The following NIPA1 variants were observed in gnomAD, a reference collection of about 807,000 sequenced individuals.
NIPA1 encodes magnesium transporter NIPA1.
A neutral mutation model predicts 23.9 loss-of-function variants in NIPA1; 13 were observed. That is an observed-to-expected ratio of 0.54 (90% CI 0.35 to 0.87). The LOEUF is 0.87. Ranked by LOEUF, NIPA1 falls within the 40% of genes least tolerant of loss-of-function variation. The pLI, the probability that NIPA1 is intolerant of heterozygous loss-of-function variation, is 0.01. For synonymous variants in NIPA1, 234 were observed against 202.9 expected (o/e 1.15, Z -1.30); for missense variants, 362 against 429.7 (o/e 0.84, Z 1.39).
intron 1 of NIPA1, among the ~76,000 whole-genome samples, chr15:22,794,035 C>T (rs973750550): frequency 5.3e-5 from 8 of 151,680 alleles, no homozygotes; most frequent in Non-Finnish European, 1.0e-4. Context: ...CTCAGGATTG[C>T]TTTGGATATT....
chr15:22,787,287 C>G, intron 1 of NIPA1, among the ~76,000 whole-genome samples: 1 of 152,158 alleles, frequency 6.6e-6, no homozygotes, highest in East Asian at 1.9e-4. Flanking sequence ...CCGCTTCAGC[C>G]GATGCGCGGC....
chr15:22,805,832 A>G (rs1256289994), intron 1 of NIPA1, among the ~76,000 whole-genome samples: 1 of 152,198 alleles, frequency 6.6e-6, no homozygotes, highest in African/African-American at 2.4e-5. Flanking sequence ...AGTGGAAGCA[A>G]TCTTTTTGTG....
chr15:22,812,119 G>A, intron 2 of NIPA1, 44 bp from the exon 3 acceptor site: 1 of 1,381,238 alleles, frequency 7.2e-7, no homozygotes, highest in Non-Finnish European at 1.0e-6. Flanking sequence ...TGCTGGAAGA[G>A]AGCTCTGTAA....
intron 1 of NIPA1, among the ~76,000 whole-genome samples, chr15:22,803,655 C>T (rs8029693): frequency 0.067 from 9,641 of 143,306 alleles, 710 homozygotes; most frequent in African/African-American, 0.18. Flanking sequence ...ATTACAGGCA[C>T]CTGCTACCGG....
intron 1 of NIPA1, among the ~76,000 whole-genome samples, chr15:22,805,987 G>C (rs7168955): frequency 0.033 from 5,074 of 152,032 alleles, 135 homozygotes; most frequent in Admixed American, 0.071. Flanking sequence ...GCAGTGGCGC[G>C]ATCTCGGCTC....
chr15:22,792,479 C>T (rs569241733), intron 1 of NIPA1, among the ~76,000 whole-genome samples: 23 of 152,218 alleles, frequency 1.5e-4, no homozygotes, highest in African/African-American at 5.3e-4. Context: ...CTGCCTCAGC[C>T]TCCCAAATAG....
At chr15:22,806,491 A>T (rs1190814725) in intron 1 of NIPA1, among the ~76,000 whole-genome samples, 1 of 152,154 alleles carries the variant, frequency 6.6e-6, no homozygotes, top group Non-Finnish European at 1.5e-5. Context: ...GTGGGGGAGG[A>T]GACGTGAGTG....
intron 1 of NIPA1, among the ~76,000 whole-genome samples, chr15:22,793,307 C>G (rs982786811): frequency 4.3e-5 from 6 of 139,794 alleles, no homozygotes; most frequent in Non-Finnish European, 9.1e-5. Flanking sequence ...TGAGATCGCA[C>G]CACTGCACTC....
intron 2 of NIPA1, 130 bp from the exon 3 acceptor site, chr15:22,812,033 G>C (rs1895327878): frequency 1.3e-6 from 1 of 751,678 alleles, no homozygotes; most frequent in African/African-American, 1.7e-5. Context: ...TGACACCCCA[G>C]ATGTGATTCT....
chr15:22,807,360 C>T (rs1895230790), intron 1 of NIPA1, among the ~76,000 whole-genome samples: 1 of 152,190 alleles, frequency 6.6e-6, no homozygotes, highest in Non-Finnish European at 1.5e-5. Flanking sequence ...GAGGGTCACA[C>T]AGTCCAGCTG....
At chr15:22,809,869 G>A (rs956428145) in intron 1 of NIPA1, among the ~76,000 whole-genome samples, 1 of 151,902 alleles carries the variant, frequency 6.6e-6, no homozygotes, top group Admixed American at 6.6e-5. Flanking sequence ...GAGAAACCTC[G>A]TCTCTACTAA....
intron 1 of NIPA1, among the ~76,000 whole-genome samples, chr15:22,790,239 G>A (rs923136891): frequency 1.8e-4 from 27 of 152,184 alleles, no homozygotes; most frequent in Non-Finnish European, 2.9e-5. Flanking sequence ...ATTCAGGCTA[G>A]CTGTGTTACT....
chr15:22,796,064 A>C (rs1894933248), intron 1 of NIPA1, among the ~76,000 whole-genome samples: 1 of 151,128 alleles, frequency 6.6e-6, no homozygotes, highest in African/African-American at 2.4e-5. Context: ...CCCGAGTAGC[A>C]CCACCTCTGC....
chr15:22,822,773 G>A (rs1163091103), intron 4 of NIPA1, among the ~76,000 whole-genome samples: 1 of 151,912 alleles, frequency 6.6e-6, no homozygotes. Context: ...GTTGCAGTGA[G>A]CAGAGATCGT....
chr15:22,811,949 G>C (rs1895325597), intron 2 of NIPA1, among the ~76,000 whole-genome samples: 1 of 152,214 alleles, frequency 6.6e-6, no homozygotes, highest in African/African-American at 2.4e-5. Flanking sequence ...TCCATGGAGG[G>C]CTGAACCTAC....
intron 4 of NIPA1, among the ~76,000 whole-genome samples, chr15:22,821,088 G>A (rs1855306113): frequency 6.6e-6 from 1 of 150,916 alleles, no homozygotes; most frequent in Admixed American, 6.7e-5. Flanking sequence ...TCAGCCTCCT[G>A]AGTAGCCGGG....
At chr15:22,804,443 C>T (rs373997471) in intron 1 of NIPA1, among the ~76,000 whole-genome samples, 23 of 152,026 alleles carry the variant, frequency 1.5e-4, no homozygotes, top group African/African-American at 4.6e-4. Flanking sequence ...TTGAGGAGCA[C>T]GAATGTTTAG....
chr15:22,806,014 T>C (rs554500065), intron 1 of NIPA1, among the ~76,000 whole-genome samples: 88 of 152,076 alleles, frequency 5.8e-4, no homozygotes, highest in South Asian at 1.5e-3. Flanking sequence ...AGCTCCGCCT[T>C]CTGGGTTCAC....
chr15:22,788,214 T>A (rs1894752408), intron 1 of NIPA1, among the ~76,000 whole-genome samples: 1 of 151,892 alleles, frequency 6.6e-6, no homozygotes, highest in Admixed American at 6.6e-5. Context: ...TAGAAGAACA[T>A]CTTGCGGCCG....
Sources: allele counts gnomAD v4.1 joint callset (sites outside exome capture counted in the v4.1 genomes callset), GRCh38; gene constraint gnomAD v4.1.1; transcripts MANE v1.5; gene names NCBI Gene and HGNC (gene_info 2026-07-23, HGNC 2026-07-21).